FRMD4A: variants seen among roughly 807,000 people sequenced by gnomAD.
The protein encoded by FRMD4A is FERM domain containing 4A.
In FRMD4A, 29 loss-of-function variants were observed where a neutral mutation model predicts 129.1. That is an observed-to-expected ratio of 0.22 (90% confidence interval 0.17 to 0.31). The LOEUF (loss-of-function observed/expected upper bound fraction) is 0.31. FRMD4A is among the 10% of genes least tolerant of loss of function. FRMD4A has a pLI of 1.00. For missense variants in FRMD4A, 1,272 were observed against 1,375.8 expected, an observed-to-expected ratio of 0.92 and a Z score of 1.19; for synonymous variants, 634 against 571.6, an observed-to-expected ratio of 1.11 and a Z score of -1.56.
intron 2 of FRMD4A, among the ~76,000 whole-genome samples, chr10:14,125,163 C>T (rs940520761): frequency 6.6e-6 from 1 of 152,222 alleles, no homozygotes; most frequent in Non-Finnish European, 1.5e-5. Context: ...CCAACGCATG[C>T]ACCATGATCA....
intron 6 of FRMD4A, among the ~76,000 whole-genome samples, chr10:13,773,171 G>A (rs1423185018): frequency 2.0e-5 from 3 of 152,098 alleles, no homozygotes; most frequent in East Asian, 1.9e-4. Flanking sequence ...ACACACACTC[G>A]ACACTCCTTC....
At chr10:14,009,422 G>C (rs986128719) in intron 2 of FRMD4A, among the ~76,000 whole-genome samples, 1 of 152,046 alleles carries the variant, frequency 6.6e-6, no homozygotes, top group South Asian at 2.1e-4. Context: ...GTGGTTTTTG[G>C]TATTAGCCTT....
chr10:14,206,530 G>T (rs1842784964), intron 2 of FRMD4A, among the ~76,000 whole-genome samples: 1 of 152,056 alleles, frequency 6.6e-6, no homozygotes, highest in African/African-American at 2.4e-5. Context: ...GGGCTCAGTG[G>T]CTCACGCCTG....
In FRMD4A at chr10:13,714,039, T is replaced by TATA. The variant is rs1554858999; in HGVS notation, c.760-6929_760-6927dup. On this transcript the variant is annotated intron_variant, in intron 12 of 24. Transcript: ENST00000357447. Reference sequence around the variant, plus strand: ...TATATAAAATATACATATATATATATATATATATATATATATATATAAAAT... The same window carrying TATA: ...TATATAAAATATACATATATATATATATAATATATATATATATATATATAAAAT... Among the ~76,000 whole-genome samples, 3 of 2,426 alleles carry TATA rather than the reference T, an allele frequency of 1.2e-3. 1 individual carries two copies. In the South Asian group the frequency reaches 0.035, roughly 28 times the overall value. 1.6% of individuals were successfully genotyped at this position (2,426 alleles called of 152,430 possible).
intron 2 of FRMD4A, among the ~76,000 whole-genome samples, chr10:14,207,083 G>T (rs1317213999): frequency 6.6e-6 from 1 of 151,998 alleles, no homozygotes; most frequent in African/African-American, 2.4e-5. Flanking sequence ...GAGAAGACCT[G>T]AAATGTTCCA....
rs747299123 is a variant in FRMD4A, at chr10:13,692,140, C to CTTTTTTTTTTTTTTTTTTTTTTTTT, written c.1117+1733_1117+1757dup. On this transcript the variant is annotated intron_variant, in intron 15 of 24. Transcript: ENST00000357447. ...CTTGAAGCTTATAAAATTTTAGCAGCTTTTTTTTTTTTTTTTTTTTTTTTT... is the reference window on the plus strand; with the variant it reads ...CTTGAAGCTTATAAAATTTTAGCAGCTTTTTTTTTTTTTTTTTTTTTTTTTTTTTTTTTTTTTTTTTTTTTTTTTT... The CTTTTTTTTTTTTTTTTTTTTTTTTT allele has an allele frequency of 2.4e-4, 24 of 100,470 alleles. 12 individuals carry two copies. Among genetic ancestry groups the CTTTTTTTTTTTTTTTTTTTTTTTTT allele is most frequent in the African/African-American group, 2.5e-4 (6 of 24,412 alleles). The allele number at this position is 100,470 out of a possible 1,614,324, so 6.2% of individuals were successfully genotyped here.
intron 2 of FRMD4A, among the ~76,000 whole-genome samples, chr10:14,166,183 T>A (rs1479338723): frequency 1.3e-5 from 2 of 150,492 alleles, no homozygotes; most frequent in Non-Finnish European, 3.0e-5. Context: ...TATATTAACA[T>A]GTTTAATAAA....
chr10:13,714,852 A>G (rs1027112706), intron 12 of FRMD4A, among the ~76,000 whole-genome samples: 1 of 151,784 alleles, frequency 6.6e-6, no homozygotes, highest in African/African-American at 2.4e-5. Context: ...AGCCTGGCCA[A>G]CATGGTGAAC....
intron 2 of FRMD4A, among the ~76,000 whole-genome samples, chr10:14,170,567 A>T (rs1392961835): frequency 6.6e-6 from 1 of 152,228 alleles, no homozygotes; most frequent in African/African-American, 2.4e-5. Context: ...AGGTGATTGT[A>T]AACTGAGAGC....
intron 3 of FRMD4A, 74 bp from the exon 4 acceptor site, chr10:13,810,982 T>G: frequency 2.7e-6 from 2 of 732,218 alleles, no homozygotes; most frequent in Non-Finnish European, 4.7e-6. Flanking sequence ...ATCTCAGGTT[T>G]CCATAATTTT....
rs778831815 is a variant in FRMD4A, at chr10:13,660,531, T to C, written c.1683A>G (p.Thr561=). 1 of 1,610,436 alleles carries C rather than the reference T, an allele frequency of 6.2e-7. No individual in the cohort carries two copies. Among genetic ancestry groups the C allele is most frequent in the South Asian group, 1.1e-5 (1 of 90,814 alleles). ...TGTGAGGAGAATGTAGGGGGGATAT[T>C]GTGCTGGTAACCTGAGAGTCTTCTG... is the stretch of plus-strand genomic sequence containing the variant. ...LEDEDSQVTS[T]ISPLHSPHKG... Residue 561 remains threonine, a synonymous_variant, in exon 20 of 25, where the codon ACA becomes ACG. Coordinates refer to ENST00000357447, the MANE Select transcript of FRMD4A (RefSeq NM_018027.5).
At chr10:13,926,714 G>A (rs2095137685) in intron 2 of FRMD4A, among the ~76,000 whole-genome samples, 1 of 149,422 alleles carries the variant, frequency 6.7e-6, no homozygotes, top group East Asian at 2.0e-4. Flanking sequence ...TTAAGACAGT[G>A]TCCTTATACA....
intron 15 of FRMD4A, among the ~76,000 whole-genome samples, chr10:13,691,238 T>C (rs1257103527): frequency 6.6e-6 from 1 of 152,260 alleles, no homozygotes; most frequent in Non-Finnish European, 1.5e-5. Context: ...TCCGCCTGCC[T>C]TGGCCTCCCA....
At chr10:13,912,416 A>T (rs745419337) in intron 2 of FRMD4A, among the ~76,000 whole-genome samples, 23 of 152,212 alleles carry the variant, frequency 1.5e-4, no homozygotes, top group Non-Finnish European at 3.1e-4. Flanking sequence ...CTTGCACATG[A>T]ATGTTCATAG....
Position 14,037,778 on chromosome 10 carries a change from T to C in FRMD4A, c.46-178866A>G, listed in dbSNP as rs1833570366. On this transcript the variant is annotated intron_variant, in intron 2 of 24. Transcript: ENST00000357447. ...TATGTTACAGTGAGGGTGTGTACCA[T>C]AAAACTTTCAAATCTTGGGCACTGT... 2.0e-5 allele frequency among the ~76,000 whole-genome samples: 3 copies of C among 152,212 alleles called. No homozygotes were observed. In the South Asian group the frequency reaches 6.2e-4, roughly 31 times the overall value.
chr10:13,855,413 T>C (rs1476436482), intron 3 of FRMD4A, among the ~76,000 whole-genome samples: 1 of 152,136 alleles, frequency 6.6e-6, no homozygotes, highest in African/African-American at 2.4e-5. Flanking sequence ...ACCTCCCCAA[T>C]CTGCCCCATC....
intron 2 of FRMD4A, among the ~76,000 whole-genome samples, chr10:14,206,895 C>T (rs527620985): frequency 6.6e-6 from 1 of 151,296 alleles, no homozygotes; most frequent in East Asian, 1.9e-4. Context: ...TCATGCCCCA[C>T]TGATTGGAAT....
At chr10:13,670,352 T>C (rs2083415006) in intron 17 of FRMD4A, 54 bp downstream of exon 17, 1 of 1,582,730 alleles carries the variant, frequency 6.3e-7, no homozygotes, top group Non-Finnish European at 8.6e-7. Flanking sequence ...GCCTGACCAA[T>C]GGGAAAAACA....
chr10:14,301,103 G>A (rs764080936), intron 2 of FRMD4A, among the ~76,000 whole-genome samples: 6 of 152,202 alleles, frequency 3.9e-5, no homozygotes, highest in South Asian at 2.1e-4. Flanking sequence ...AAGATCAAGC[G>A]AGATTCTCTG....
Sources: allele counts gnomAD v4.1 joint callset (sites outside exome capture counted in the v4.1 genomes callset), GRCh38; gene constraint gnomAD v4.1.1; transcripts MANE v1.5; gene names NCBI Gene and HGNC (gene_info 2026-07-23, HGNC 2026-07-21).